The following ATAD2 variants were observed in gnomAD, a reference collection of about 807,000 sequenced individuals.
ATAD2 encodes ATPase family AAA domain containing 2, also known as ATPase family AAA domain-containing protein 2.
Under a neutral mutation model 168.9 loss-of-function variants are expected in ATAD2, and 62 were observed. That is an observed-to-expected ratio of 0.37 (90% CI 0.30 to 0.45). ATAD2 has a LOEUF of 0.45. Ranked by LOEUF, ATAD2 falls within the 20% of genes least tolerant of loss-of-function variation. The pLI is 1.00. For missense variants in ATAD2, 1,419 were observed against 1,667.8 expected, an observed-to-expected ratio of 0.85 and a Z score of 2.60; for synonymous variants, 613 against 571.6, an observed-to-expected ratio of 1.07 and a Z score of -1.03.
chr8:123,370,951 T>C lies in ATAD2; in HGVS notation c.679A>G (p.Ile227Val). The change falls in exon 6 of 28, where the codon ATT (isoleucine) becomes GTT (valine). Residue 227 changes from isoleucine to valine, a missense_variant. Ile to Val is a conservative substitution (Grantham distance 29). Around this residue, in one of 5 missense-constraint regions of ATAD2, gnomAD observed 419 missense variants for 423.5 expected, o/e 0.99. Coordinates refer to ENST00000287394, the MANE Select transcript of ATAD2 (RefSeq NM_014109.4). Reference sequence around the variant, plus strand: ...GTTGTTTCTTCATCAGTTCTTTGAATATCTTTCTGTTTTCCTCTTGTGTAC... The same window carrying C: ...GTTGTTTCTTCATCAGTTCTTTGAACATCTTTCTGTTTTCCTCTTGTGTAC... Reference protein sequence around the residue: ...NMYTRGKQKDIQRTDEETTDN... With the variant: ...NMYTRGKQKDVQRTDEETTDN... 6.2e-7 allele frequency: 1 copy of C among 1,607,922 alleles called. No homozygotes were observed.
In ATAD2 at chr8:123,361,532, CA is replaced by C. The variant is rs1421833762; in HGVS notation, c.1157+6del. ...CTAGTTTAAAAAGGCATCAATATGG[CA>C]CTTACCTATTGATAGCCCTATTACG... On this transcript the variant is annotated splice_donor_region_variant and intron_variant, in intron 9 of 27. Transcript: ENST00000287394. The C allele has an allele frequency of 1.9e-6, 3 of 1,599,966 alleles. No homozygotes were observed. Among genetic ancestry groups the C allele is most frequent in the Non-Finnish European group, 2.6e-6 (3 of 1,167,880 alleles).
chr8:123,406,585 G>A (rs1184997707), intron 1 of ATAD2, among the ~76,000 whole-genome samples: 2 of 151,818 alleles, frequency 1.3e-5, no homozygotes, highest in African/African-American at 4.8e-5. Context: ...GGGAGGCCAA[G>A]GCAGGAGGAT....
chr8:123,407,723 C>T (rs1269124084), intron 1 of ATAD2, among the ~76,000 whole-genome samples: 2 of 152,024 alleles, frequency 1.3e-5, no homozygotes, highest in African/African-American at 4.8e-5. Context: ...TGTGGTGGCA[C>T]ACGACTGTAA....
intron 3 of ATAD2, 133 bp from the exon 4 acceptor site, chr8:123,371,968 TA>T: frequency 3.1e-6 from 3 of 958,792 alleles, no homozygotes; most frequent in Non-Finnish European, 4.3e-6. Flanking sequence ...TTAGCTTTCT[TA>T]AAAACATCAG....
At chr8:123,406,498 C>A (rs1049175975) in intron 1 of ATAD2, among the ~76,000 whole-genome samples, 2 of 151,224 alleles carry the variant, frequency 1.3e-5, no homozygotes, top group African/African-American at 4.9e-5. Context: ...TTCCTTTATT[C>A]TCTCTTTATA....
chr8:123,325,440 G>A (rs1055669549), intron 26 of ATAD2, among the ~76,000 whole-genome samples: 1 of 151,870 alleles, frequency 6.6e-6, no homozygotes, highest in African/African-American at 2.4e-5. Flanking sequence ...CAGCCACCAC[G>A]CCCAGCTAAT....
At chr8:123,365,080 C>T (rs1446650807) in intron 8 of ATAD2, among the ~76,000 whole-genome samples, 1 of 152,168 alleles carries the variant, frequency 6.6e-6, no homozygotes, top group Non-Finnish European at 1.5e-5. Flanking sequence ...AGCAAAGTTT[C>T]AGGATACAAA....
At chr8:123,397,240 C>CAAAAAAAAAA (rs71310670), upstream of ATAD2, among the ~76,000 whole-genome samples, 1 of 40,032 alleles carries the variant, frequency 2.5e-5, no homozygotes, top group Non-Finnish European at 5.8e-5. Flanking sequence ...GACTCTGTCT[C>CAAAAAAAAAA]AAAAAAAAAA....
chr8:123,410,448 G>A (rs1333533526), intron 1 of ATAD2, among the ~76,000 whole-genome samples: 1 of 151,998 alleles, frequency 6.6e-6, no homozygotes, highest in Non-Finnish European at 1.5e-5. Flanking sequence ...CATCACACCT[G>A]GCTAATTTTG....
At chr8:123,364,402 G>A (rs1175489109) in intron 8 of ATAD2, among the ~76,000 whole-genome samples, 1 of 152,046 alleles carries the variant, frequency 6.6e-6, no homozygotes. Flanking sequence ...AGAGAAAGAG[G>A]GAATCCTCCC....
chr8:123,359,357 G>A lies in ATAD2; in HGVS notation c.1267-21C>T, dbSNP rs770985528. ...CGTACCTGGTAATGGAAGCGAACAT[G>A]TACATTTTTAGATTTGGAGTCCAGA... On this transcript the variant is annotated intron_variant, in intron 10 of 27. Transcript: ENST00000287394. 1.9e-6 allele frequency: 3 copies of A among 1,541,748 alleles called. No individual in the cohort carries two copies. In the East Asian group the frequency reaches 6.7e-5, roughly 35 times the overall value.
intron 15 of ATAD2, 73 bp from the exon 16 acceptor site, chr8:123,347,479 C>G (rs1315292312): frequency 1.5e-6 from 2 of 1,356,782 alleles, no homozygotes; most frequent in Non-Finnish European, 9.9e-7. Flanking sequence ...ATTAGCATGA[C>G]CATGGTTAAA....
Position 123,337,835 on chromosome 8 carries a change from GAAGAATTTAGTTACT to G in ATAD2, c.2855-29_2855-15del. On this transcript the variant is annotated splice_polypyrimidine_tract_variant and intron_variant, in intron 20 of 27. Coordinates refer to ENST00000287394, the MANE Select transcript of ATAD2 (RefSeq NM_014109.4). ...AAGCCTGCAAAACTTCACATGAATG[GAAGAATTTAGTTACT>G]GCTCCTCCATAACATTGAGGTTGAC... is the stretch of plus-strand genomic sequence containing the variant. 4 of 1,573,738 alleles carry G rather than the reference GAAGAATTTAGTTACT, an allele frequency of 2.5e-6. No homozygotes were observed. The highest frequency in any genetic ancestry group is 3.4e-6 in the Non-Finnish European group (4 of 1,164,096).
intron 1 of ATAD2, among the ~76,000 whole-genome samples, chr8:123,381,423 C>G (rs1456903230): frequency 6.6e-6 from 1 of 152,058 alleles, no homozygotes; most frequent in Non-Finnish European, 1.5e-5. Context: ...ATGATTTGAG[C>G]CTGGGAGGTG....
At chr8:123,356,584 T>G (rs1057401012) in intron 12 of ATAD2, 107 bp from the exon 13 acceptor site, 53 of 651,018 alleles carry the variant, frequency 8.1e-5, no homozygotes, top group Non-Finnish European at 1.2e-4. Flanking sequence ...TTAACAGAAT[T>G]TATAAAGCTG....
intron 1 of ATAD2, among the ~76,000 whole-genome samples, chr8:123,390,450 T>C (rs1359478801): frequency 6.6e-6 from 1 of 152,050 alleles, no homozygotes; most frequent in African/African-American, 2.4e-5. Flanking sequence ...TATGACTGAA[T>C]ACAGAACTGC....
rs547772559 is a variant in ATAD2 at position 123,401,809 on chromosome 8, C to G, written c.-2281-634G>C. The G allele has an allele frequency of 7.9e-6, 6 of 756,244 alleles. No homozygotes were observed. The East Asian group carries it at 1.5e-4, about 18-fold the overall frequency. 46.8% of individuals were successfully genotyped at this position (756,244 alleles called of 1,614,324 possible). A position where few individuals can be genotyped will look rare whatever the true frequency, so the allele number is the denominator to read the frequency against. ...GGCTCAAGAAATACTGGGGCACAGGCTTGCTGGATGCCATGGAGAAGAGCA... is the reference window on the plus strand; with the variant it reads ...GGCTCAAGAAATACTGGGGCACAGGGTTGCTGGATGCCATGGAGAAGAGCA... On this transcript the variant is annotated intron_variant, in intron 1 of 28. Coordinates refer to the ATAD2 transcript ENST00000521903.
intron 24 of ATAD2, among the ~76,000 whole-genome samples, chr8:123,333,022 A>C (rs1827814969): frequency 6.6e-6 from 1 of 151,798 alleles, no homozygotes; most frequent in African/African-American, 2.4e-5. Flanking sequence ...ACAAACTTGC[A>C]ATACAATAGA....
chr8:123,413,229 C>G (rs919414411), intron 1 of ATAD2, among the ~76,000 whole-genome samples: 7 of 147,532 alleles, frequency 4.7e-5, no homozygotes, highest in African/African-American at 1.2e-4. Context: ...TGAGCGCCCC[C>G]CCCCCCCCAA....
Sources: allele counts gnomAD v4.1 joint callset (sites outside exome capture counted in the v4.1 genomes callset), GRCh38; gene constraint gnomAD v4.1.1; regional missense constraint gnomAD v4.1.1; transcripts MANE v1.5; gene names NCBI Gene and HGNC (gene_info 2026-07-23, HGNC 2026-07-21).